SEC31B: variants seen among roughly 807,000 people sequenced by gnomAD.
The protein encoded by SEC31B is SEC31 homolog B, COPII component, also known as protein transport protein Sec31B.
Under a neutral mutation model 135.0 loss-of-function variants are expected in SEC31B, and 113 were observed. That is an observed-to-expected ratio of 0.84 (90% CI 0.72 to 0.98). The LOEUF is 0.98. Ranked by LOEUF, SEC31B falls within the 50% of genes least tolerant of loss-of-function variation. The pLI is 0.00. For missense variants in SEC31B, 1,296 were observed against 1,421.1 expected, an observed-to-expected ratio of 0.91 and a Z score of 1.42; for synonymous variants, 508 against 549.4, an observed-to-expected ratio of 0.92 and a Z score of 1.05.
rs1236087303 is a variant in SEC31B at position 100,495,385 on chromosome 10, C to A, written c.2472G>T (p.Gln824His). ...AATGAATGAACAAACGAGGTCTTACCTGGTGAGAAGGCTGGGATCCCAATC... is the reference window on the plus strand; with the variant it reads ...AATGAATGAACAAACGAGGTCTTACATGGTGAGAAGGCTGGGATCCCAATC... ...SYRLGSQPSH[Q>H]VPTPSPRPRV... The change falls in exon 19 of 26, where the codon CAG becomes CAT. Residue 824 changes from glutamine (Q) to histidine (H), a missense_variant and splice_region_variant. Gln to His is a conservative substitution (Grantham distance 24). Transcript: ENST00000370345. 6.2e-7 allele frequency: 1 copy of A among 1,613,136 alleles called. No individual in the cohort carries two copies.
At chr10:100,512,329 C>T (rs140287739) in intron 3 of SEC31B, among the ~76,000 whole-genome samples, 1 of 152,270 alleles carries the variant, frequency 6.6e-6, no homozygotes, top group East Asian at 1.9e-4. Context: ...CTCATTTACC[C>T]ACAGCAGCTA....
chr10:100,492,215 C>G (rs186405779), intron 19 of SEC31B, among the ~76,000 whole-genome samples: 1 of 152,244 alleles, frequency 6.6e-6, no homozygotes, highest in Non-Finnish European at 1.5e-5. Flanking sequence ...CAAGAACATT[C>G]ATGTTCACTA....
intron 3 of SEC31B, among the ~76,000 whole-genome samples, chr10:100,512,586 GATA>G (rs1851755681): frequency 6.6e-6 from 1 of 152,154 alleles, no homozygotes; most frequent in African/African-American, 2.4e-5. Context: ...TTTCTAGGTA[GATA>G]ATATTTCTCT....
chr10:100,496,561 C>T, intron 17 of SEC31B, 130 bp from the exon 18 acceptor site: 1 of 910,876 alleles, frequency 1.1e-6, no homozygotes, highest in Non-Finnish European at 1.6e-6. Flanking sequence ...TAGGTGAAGG[C>T]AGCAGATGAT....
intron 3 of SEC31B, among the ~76,000 whole-genome samples, 180 bp downstream of exon 3, chr10:100,515,916 G>T (rs72838543): frequency 0.029 from 4,415 of 151,802 alleles, 137 homozygotes; most frequent in Non-Finnish European, 0.04. Context: ...GACTGGAAAG[G>T]GGGGGGGTGG....
intron 19 of SEC31B, among the ~76,000 whole-genome samples, chr10:100,493,876 C>T (rs904083200): frequency 6.6e-6 from 1 of 151,626 alleles, no homozygotes; most frequent in African/African-American, 2.4e-5. Flanking sequence ...TGTTGGGATG[C>T]AGGAGACATC....
chr10:100,489,489 G>A, intron 22 of SEC31B, 91 bp from the exon 23 acceptor site: 1 of 1,493,216 alleles, frequency 6.7e-7, no homozygotes, highest in Non-Finnish European at 9.2e-7. Context: ...TGAACAAGGA[G>A]ACAGAAGAGT....
At chr10:100,499,383 G>T (rs1851473723) in intron 12 of SEC31B, 125 bp from the exon 13 acceptor site, 3 of 1,110,886 alleles carry the variant, frequency 2.7e-6, no homozygotes, top group Admixed American at 2.3e-5. Flanking sequence ...TTTTTTCTGA[G>T]AAAAAAACAA....
intron 16 of SEC31B, 66 bp downstream of exon 16, chr10:100,497,601 G>T (rs1165995813): frequency 1.2e-6 from 2 of 1,611,266 alleles, no homozygotes; most frequent in East Asian, 4.5e-5. Context: ...CCTCCCTCCT[G>T]CATGCATCCT....
Position 100,487,677 on chromosome 10 carries a change from AC to A in SEC31B, c.3478del (p.Val1160CysfsTer8). The A allele has an allele frequency of 6.2e-7, 1 of 1,613,786 alleles. No homozygotes were observed. The highest frequency in any genetic ancestry group is 8.5e-7 in the Non-Finnish European group (1 of 1,179,900). On this transcript the variant is annotated frameshift_variant, in exon 26 of 26. Transcript: ENST00000370345. LOFTEE classifies it high-confidence loss of function. Reference sequence around the variant, plus strand: ...CTTCAGGATAGGCATGAAGCTGGACACCTCGCTGAAGCTGCTACAGCCCGCC... The same window carrying A: ...CTTCAGGATAGGCATGAAGCTGGACACTCGCTGAAGCTGCTACAGCCCGCC... Reference protein sequence around the residue: ...QVAGCSSFSEVSSFMPILKAV... With the variant: ...QVAGCSSFSEXSSFMPILKAV...
chr10:100,488,052 A>G lies in SEC31B; in HGVS notation c.3335T>C (p.Leu1112Pro). The change falls in exon 25 of 26, where the codon CTA becomes CCA. Residue 1112 changes from leucine (L) to proline (P), a missense_variant. Coordinates refer to ENST00000370345, the MANE Select transcript of SEC31B (RefSeq NM_015490.4). ...LEEAAQRLEY[L>P]YEKLCEGTLS... Reference sequence around the variant, plus strand: ...TGTCCCCTCACAGAGCTTCTCATATAGATACTCCAGACGCTGGGCTGCCTC... The same window carrying G: ...TGTCCCCTCACAGAGCTTCTCATATGGATACTCCAGACGCTGGGCTGCCTC... 1 of 1,614,102 alleles carries G rather than the reference A, an allele frequency of 6.2e-7. No homozygotes were observed. Among genetic ancestry groups the G allele is most frequent in the Non-Finnish European group, 8.5e-7 (1 of 1,179,996 alleles).
rs758480612 is a variant in SEC31B at position 100,490,711 on chromosome 10, C to T, written c.2645G>A (p.Arg882Lys). 6.3e-7 allele frequency: 1 copy of T among 1,584,974 alleles called. No homozygotes were observed. Among genetic ancestry groups the T allele is most frequent in the Non-Finnish European group, 8.6e-7 (1 of 1,162,986 alleles). Reference protein sequence around the residue: ...IQPLPLSPGVRPASSQPQLLG... With the variant: ...IQPLPLSPGVKPASSQPQLLG... Reference sequence around the variant, plus strand: ...ATCTTCAGTGACTCACTCACCAGGCCTTACCCCAGGGCTCAAAGGCAAAGG... The same window carrying T: ...ATCTTCAGTGACTCACTCACCAGGCTTTACCCCAGGGCTCAAAGGCAAAGG... Residue 882 changes from arginine to lysine, a missense_variant, in exon 20 of 26, where the codon AGG becomes AAG. Coordinates refer to ENST00000370345, the MANE Select transcript of SEC31B (RefSeq NM_015490.4).
At chr10:100,518,276 C>T (rs1411673064) in intron 1 of SEC31B, among the ~76,000 whole-genome samples, 1 of 152,158 alleles carries the variant, frequency 6.6e-6, no homozygotes, top group Non-Finnish European at 1.5e-5. Context: ...TGACATTTTC[C>T]TTCCTTAGAG....
intron 19 of SEC31B, among the ~76,000 whole-genome samples, chr10:100,491,869 G>A (rs1482769255): frequency 6.6e-6 from 1 of 152,214 alleles, no homozygotes; most frequent in Non-Finnish European, 1.5e-5. Flanking sequence ...ATGACTTGCA[G>A]GAGTGGGTTT....
At chr10:100,499,648 A>G (rs995473618) in intron 11 of SEC31B, 50 bp from the exon 12 acceptor site, 1 of 1,350,590 alleles carries the variant, frequency 7.4e-7, no homozygotes, top group African/African-American at 1.5e-5. Flanking sequence ...AACATAAATG[A>G]CGCTCTTCCT....
chr10:100,516,893 G>GTA lies in SEC31B; in HGVS notation c.58_59dup (p.Pro21ThrfsTer14). On this transcript the variant is annotated frameshift_variant, in exon 2 of 26. Coordinates refer to ENST00000370345, the MANE Select transcript of SEC31B (RefSeq NM_015490.4). LOFTEE classifies it high-confidence loss of function. The stretch of plus-strand genomic sequence containing the variant: ...CCATACCTGTGGCCAGATACAAAGG[G>GTA]TATTGGCTGGCTGGGCTCCATGCCT... The GTA allele has an allele frequency of 6.2e-7, 1 of 1,613,850 alleles. No homozygotes were observed. The highest frequency in any genetic ancestry group is 8.5e-7 in the Non-Finnish European group (1 of 1,179,814).
chr10:100,498,098 A>G lies in SEC31B; in HGVS notation c.1794T>C (p.Ala598=). The part of the protein sequence containing the change: ...RFADAIILAQ[A]GGTDLLKQTQ... The stretch of plus-strand genomic sequence containing the variant: ...TTTGCTTCAGCAGATCTGTACCCCC[A>G]GCCTGGGCCAGGATAATGGCATCAG... Residue 598 remains alanine, a synonymous_variant, in exon 15 of 26, where the codon GCT becomes GCC. Coordinates refer to ENST00000370345, the MANE Select transcript of SEC31B (RefSeq NM_015490.4). The G allele has an allele frequency of 6.2e-7, 1 of 1,614,172 alleles. No homozygotes were observed. The highest frequency in any genetic ancestry group is 1.1e-5 in the South Asian group (1 of 91,088).
At chr10:100,511,166 C>G (rs1418816863) in intron 3 of SEC31B, among the ~76,000 whole-genome samples, 1 of 152,224 alleles carries the variant, frequency 6.6e-6, no homozygotes, top group Non-Finnish European at 1.5e-5. Flanking sequence ...CAGTTTGCCA[C>G]ATACAGGGTG....
chr10:100,499,309 A>G, intron 12 of SEC31B, 51 bp from the exon 13 acceptor site: 1 of 1,400,964 alleles, frequency 7.1e-7, no homozygotes, highest in Non-Finnish European at 1.0e-6. Flanking sequence ...AGATCAAATA[A>G]GCATTATCCT....
Sources: allele counts gnomAD v4.1 joint callset (sites outside exome capture counted in the v4.1 genomes callset), GRCh38; gene constraint gnomAD v4.1.1; transcripts MANE v1.5; gene names NCBI Gene and HGNC (gene_info 2026-07-23, HGNC 2026-07-21).